Variants in MARK3 observed in about 807,000 individuals in gnomAD.
MARK3 encodes the protein microtubule affinity regulating kinase 3.
A neutral mutation model predicts 90.1 loss-of-function variants in MARK3; 46 were observed. The observed-to-expected ratio is 0.51, with a 90% CI of 0.40 to 0.65. The LOEUF is 0.65. Among genes scored for constraint, MARK3 ranks in the 30% least tolerant of loss-of-function variants. The pLI, the probability that MARK3 is intolerant of heterozygous loss-of-function variation, is 0.00. For missense variants in MARK3, 818 were observed against 947.2 expected (o/e 0.86, Z 1.79); for synonymous variants, 321 against 332.6 (o/e 0.97, Z 0.38).
At chr14:103,488,548 TCAAA>T (rs146544525) in intron 14 of MARK3, among the ~76,000 whole-genome samples, 1,943 of 152,278 alleles carry the variant, frequency 0.013, 97 homozygotes, top group Admixed American at 0.11. Context: ...AGCAGAATTC[TCAAA>T]CAAAAATGCA....
chr14:103,390,767 G>A (rs2090184645), intron 1 of MARK3, among the ~76,000 whole-genome samples: 1 of 152,202 alleles, frequency 6.6e-6, no homozygotes, highest in African/African-American at 2.4e-5. Context: ...GGAGTGCAGT[G>A]GAGCAATCAC....
At chr14:103,399,035 G>T (rs2090768257) in intron 1 of MARK3, among the ~76,000 whole-genome samples, 1 of 152,196 alleles carries the variant, frequency 6.6e-6, no homozygotes. Flanking sequence ...TTCTTCTCAT[G>T]TGGGAGGTAC....
intron 2 of MARK3, among the ~76,000 whole-genome samples, chr14:103,417,774 ATG>A (rs978622230): frequency 3.3e-5 from 5 of 152,052 alleles, no homozygotes; most frequent in Non-Finnish European, 7.4e-5. Flanking sequence ...TCTGTTAAAA[ATG>A]TGTGTGTGGG....
chr14:103,480,113 G>C (rs11627446), intron 13 of MARK3, among the ~76,000 whole-genome samples: 94,673 of 151,552 alleles, frequency 0.62, 30,685 homozygotes, highest in Middle Eastern at 0.76. Flanking sequence ...GAGCAACACT[G>C]CATCTCAAAA....
intron 2 of MARK3, among the ~76,000 whole-genome samples, chr14:103,421,479 T>G (rs1303737878): frequency 6.6e-6 from 1 of 152,204 alleles, no homozygotes; most frequent in African/African-American, 2.4e-5. Context: ...TGTTCATGTC[T>G]TCAAGAGTGG....
At chr14:103,498,289 C>CT (rs902556999) in intron 15 of MARK3, among the ~76,000 whole-genome samples, 19 of 151,196 alleles carry the variant, frequency 1.3e-4, no homozygotes, top group African/African-American at 2.4e-4. Flanking sequence ...CCTTTTCTTA[C>CT]TTTTTTTTGA....
At chr14:103,423,200 CTT>C (rs10529756) in intron 2 of MARK3, among the ~76,000 whole-genome samples, 2 of 94,702 alleles carry the variant, frequency 2.1e-5, no homozygotes, top group African/African-American at 4.5e-5. Context: ...GACTTGCAGT[CTT>C]TTTTTTTTTT....
intron 5 of MARK3, among the ~76,000 whole-genome samples, chr14:103,453,368 G>C (rs1363770325): frequency 1.3e-5 from 2 of 152,038 alleles, no homozygotes; most frequent in Non-Finnish European, 2.9e-5. Context: ...TAAACTACTG[G>C]GTACACATTC....
chr14:103,412,436 G>A (rs1452094559), intron 2 of MARK3: 2 of 570,960 alleles, frequency 3.5e-6, no homozygotes. Flanking sequence ...AGACTCTGAA[G>A]CCAAAAATGC....
At chr14:103,480,132 A>C (rs1209559744) in intron 13 of MARK3, among the ~76,000 whole-genome samples, 1 of 152,102 alleles carries the variant, frequency 6.6e-6, no homozygotes, top group Non-Finnish European at 1.5e-5. Context: ...AAAAGAAAAA[A>C]AAAATTAGCC....
At chr14:103,415,212 G>T (rs904183495) in intron 2 of MARK3, among the ~76,000 whole-genome samples, 23 of 124,144 alleles carry the variant, frequency 1.9e-4, no homozygotes, top group African/African-American at 4.8e-4. Flanking sequence ...TTGGAAGAAA[G>T]TTGTTTTAAT....
intron 13 of MARK3, among the ~76,000 whole-genome samples, chr14:103,475,837 CA>C (rs1277964694): frequency 6.6e-6 from 1 of 151,648 alleles, no homozygotes; most frequent in African/African-American, 2.4e-5. Flanking sequence ...CCCAGCTGCT[CA>C]GGAGGCTGAG....
intron 3 of MARK3, among the ~76,000 whole-genome samples, chr14:103,440,550 A>T (rs1156635278): frequency 6.6e-6 from 1 of 152,134 alleles, no homozygotes; most frequent in African/African-American, 2.4e-5. Context: ...CAGTGAGCTG[A>T]GATTGCGCCA....
At chr14:103,447,175 C>T (rs1482749891) in intron 3 of MARK3, among the ~76,000 whole-genome samples, 2 of 152,144 alleles carry the variant, frequency 1.3e-5, no homozygotes, top group Non-Finnish European at 2.9e-5. Context: ...TGGCCCACAC[C>T]TGTGATCCTA....
rs571611660 is a variant in MARK3, at chr14:103,460,073, C to CTTTTTTTTTTTTTTT, written c.484-2315_484-2301dup. On this transcript the variant is annotated intron_variant, in intron 6 of 17. Coordinates refer to ENST00000429436, the MANE Select transcript of MARK3 (RefSeq NM_001128918.3). Reference sequence around the variant, plus strand: ...AAAAAGAATAGATTTCCAGCTCCATCTTTTTTTTTTTTTTTTTTTTTTTTT... The same window carrying CTTTTTTTTTTTTTTT: ...AAAAAGAATAGATTTCCAGCTCCATCTTTTTTTTTTTTTTTTTTTTTTTTTTTTTTTTTTTTTTTT... Among the ~76,000 whole-genome samples, 107 of 41,720 alleles carry CTTTTTTTTTTTTTTT rather than the reference C, an allele frequency of 2.6e-3. 25 individuals are homozygous for CTTTTTTTTTTTTTTT. Among genetic ancestry groups the CTTTTTTTTTTTTTTT allele is most frequent in the South Asian group, 4.0e-3 (2 of 504 alleles). 27.4% of individuals were successfully genotyped at this position (41,720 alleles called of 152,430 possible). A position where few individuals can be genotyped will look rare whatever the true frequency, so the allele number is the denominator to read the frequency against.
chr14:103,395,581 C>A (rs1354824373), intron 1 of MARK3, among the ~76,000 whole-genome samples: 1 of 152,166 alleles, frequency 6.6e-6, no homozygotes, highest in Non-Finnish European at 1.5e-5. Context: ...CCTGTTCGAT[C>A]CATTTTCTTC....
chr14:103,503,405 A>T lies in MARK3; in HGVS notation c.*178A>T. 2 of 625,608 alleles carry T rather than the reference A, an allele frequency of 3.2e-6. No homozygotes were observed. The highest frequency in any genetic ancestry group is 2.1e-5 in the South Asian group (1 of 48,342). The allele number at this position is 625,608 out of a possible 1,614,324, so 38.8% of individuals were successfully genotyped here. ...GGCCTTTTTTCTACGAATGCACTAC[A>T]TTAAAGATGTGCAACCTATGCGCCC... is the stretch of plus-strand genomic sequence containing the variant. On this transcript the variant is annotated 3_prime_UTR_variant, in exon 18 of 18. Coordinates refer to ENST00000429436, the MANE Select transcript of MARK3 (RefSeq NM_001128918.3).
At chr14:103,494,033 A>G (rs946495340) in intron 15 of MARK3, among the ~76,000 whole-genome samples, 9 of 151,316 alleles carry the variant, frequency 5.9e-5, no homozygotes, top group Non-Finnish European at 8.8e-5. Context: ...CAGGAGTTTG[A>G]GACAGGCCTG....
intron 1 of MARK3, among the ~76,000 whole-genome samples, chr14:103,388,999 C>T (rs931364550): frequency 2.0e-5 from 3 of 151,830 alleles, no homozygotes; most frequent in African/African-American, 7.3e-5. Flanking sequence ...TTGTGCTTAC[C>T]CCAGGAATCT....
Sources: gnomAD v4.1 joint callset for allele counts (sites outside exome capture counted in the v4.1 genomes callset) on GRCh38, gnomAD v4.1.1 for gene constraint, MANE v1.5 for transcripts, NCBI Gene and HGNC (gene_info 2026-07-23, HGNC 2026-07-21) for gene names.